CSMD1: variants seen among roughly 807,000 people sequenced by gnomAD.
CSMD1 encodes CUB and Sushi multiple domains 1, also known as CUB and sushi domain-containing protein 1.
Under a neutral mutation model 417.5 loss-of-function variants are expected in CSMD1, and 213 were observed. That is an observed-to-expected ratio of 0.51 (90% CI 0.46 to 0.57). The LOEUF (loss-of-function observed/expected upper bound fraction) is 0.57, where lower values mean the gene tolerates loss of function less well. CSMD1 is among the 20% of genes least tolerant of loss of function. The probability of loss-of-function intolerance (pLI) is 0.00; values close to 1 mark genes in which losing one functional copy is unlikely to be tolerated. For synonymous variants in CSMD1, 2,862 were observed against 1,736.8 expected, an observed-to-expected ratio of 1.65 and a Z score of -16.11; for missense variants, 6,923 against 4,529.7, an observed-to-expected ratio of 1.53 and a Z score of -15.17.
intron 2 of CSMD1, among the ~76,000 whole-genome samples, chr8:4,430,961 A>T (rs1440225554): frequency 6.6e-6 from 1 of 152,158 alleles, no homozygotes; most frequent in African/African-American, 2.4e-5. Flanking sequence ...TTATATCAAG[A>T]TGTCCTTTCA....
At chr8:4,196,771 C>A (rs184383835) in intron 3 of CSMD1, among the ~76,000 whole-genome samples, 3 of 152,082 alleles carry the variant, frequency 2.0e-5, no homozygotes, top group African/African-American at 7.2e-5. Flanking sequence ...CTGTAAACCC[C>A]TTTTTCCCAT....
intron 3 of CSMD1, among the ~76,000 whole-genome samples, chr8:4,410,579 T>C (rs991769284): frequency 1.3e-5 from 2 of 152,214 alleles, no homozygotes; most frequent in East Asian, 1.9e-4. Context: ...TTTTAAATAA[T>C]GACCAATTTT....
chr8:3,441,001 T>C (rs1480790161), intron 12 of CSMD1, among the ~76,000 whole-genome samples: 2 of 152,144 alleles, frequency 1.3e-5, no homozygotes, highest in East Asian at 3.9e-4. Flanking sequence ...TGAGATTAGA[T>C]CATCCTGGAT....
In CSMD1 at chr8:3,706,433, C is replaced by A. The variant is rs149396698; in HGVS notation, c.1009+1981G>T. Reference sequence around the variant, plus strand: ...CATTACCATTGATTACCTTCCTCATCTTAGAAGGCTCAAGGTTTCCATTCC... The same window carrying A: ...CATTACCATTGATTACCTTCCTCATATTAGAAGGCTCAAGGTTTCCATTCC... On this transcript the variant is annotated intron_variant, in intron 7 of 69. Transcript: ENST00000635120. Among the ~76,000 whole-genome samples the A allele has an allele frequency of 1.8e-3, 268 of 152,278 alleles. 2 individuals are homozygous for A. In the East Asian group the frequency reaches 0.046, roughly 26 times the overall value.
chr8:3,128,820 A>T (rs1167494528), intron 41 of CSMD1: 2 of 438,438 alleles, frequency 4.6e-6, no homozygotes, highest in East Asian at 1.4e-4. Context: ...TTTTAATTGA[A>T]AGTCCTTTCT....
chr8:4,864,867 G>C (rs1475937819), intron 1 of CSMD1, among the ~76,000 whole-genome samples: 3 of 91,848 alleles, frequency 3.3e-5, no homozygotes, highest in Non-Finnish European at 6.9e-5. Context: ...TGAAATATTG[G>C]ATTCTACTAC....
chr8:3,971,055 T>C (rs1323589923), intron 5 of CSMD1, among the ~76,000 whole-genome samples: 2 of 152,114 alleles, frequency 1.3e-5, no homozygotes, highest in Non-Finnish European at 1.5e-5. Flanking sequence ...CCGGCCTACA[T>C]GGAATCTTAA....
intron 51 of CSMD1, among the ~76,000 whole-genome samples, chr8:3,026,572 G>A (rs1809946351): frequency 6.6e-6 from 1 of 151,872 alleles, no homozygotes. Flanking sequence ...GACCTCACCG[G>A]ACCTCACTGG....
At chr8:4,226,093 C>T (rs1585054759) in intron 3 of CSMD1, among the ~76,000 whole-genome samples, 1 of 151,222 alleles carries the variant, frequency 6.6e-6, no homozygotes, top group East Asian at 1.9e-4. Context: ...CACACACACA[C>T]ACACACACAC....
chr8:4,236,811 G>A (rs993134747), intron 3 of CSMD1, among the ~76,000 whole-genome samples: 1 of 152,164 alleles, frequency 6.6e-6, no homozygotes, highest in Admixed American at 6.5e-5. Context: ...AAATTATTAA[G>A]TCTATGTTGC....
chr8:4,173,560 T>C (rs780141247), intron 3 of CSMD1, among the ~76,000 whole-genome samples: 2 of 152,060 alleles, frequency 1.3e-5, no homozygotes, highest in Non-Finnish European at 2.9e-5. Flanking sequence ...AAAGATAAAA[T>C]TATCAAATGA....
At chr8:4,152,100 G>A (rs1383767590) in intron 3 of CSMD1, among the ~76,000 whole-genome samples, 1 of 151,984 alleles carries the variant, frequency 6.6e-6, no homozygotes, top group Non-Finnish European at 1.5e-5. Context: ...AGATTTATAT[G>A]GGTAATATAC....
At chr8:3,518,487 G>A (rs1000080304) in intron 10 of CSMD1, among the ~76,000 whole-genome samples, 1 of 152,094 alleles carries the variant, frequency 6.6e-6, no homozygotes, top group Non-Finnish European at 1.5e-5. Context: ...AATCTCATTG[G>A]TAGACTCAAC....
At chr8:4,032,309 G>C (rs1018696569) in intron 3 of CSMD1, among the ~76,000 whole-genome samples, 1 of 152,150 alleles carries the variant, frequency 6.6e-6, no homozygotes, top group Non-Finnish European at 1.5e-5. Flanking sequence ...ACATCATAAA[G>C]TGTAAATAAA....
At chr8:4,114,175 A>G in intron 3 of CSMD1, among the ~76,000 whole-genome samples, 1 of 151,460 alleles carries the variant, frequency 6.6e-6, no homozygotes, top group Non-Finnish European at 1.5e-5. Context: ...GGACAGCCTG[A>G]CTCCTCTATT....
At chr8:3,954,699 G>A (rs1397560734) in intron 5 of CSMD1, among the ~76,000 whole-genome samples, 1 of 152,236 alleles carries the variant, frequency 6.6e-6, no homozygotes, top group Non-Finnish European at 1.5e-5. Context: ...TCTTTCCCAT[G>A]ATTCTTCCCT....
In CSMD1 at chr8:3,009,190, T is replaced by G. The variant is rs1461350090; in HGVS notation, c.8030-9059A>C. 2.0e-5 allele frequency among the ~76,000 whole-genome samples: 3 copies of G among 152,314 alleles called. No homozygotes were observed. The East Asian group carries it at 5.8e-4, about 29-fold the overall frequency. ...TCTCCCACACACGCACTTTTGCCCC[T>G]AGAGGGGCCTACTTGAAGCTCACGT... On this transcript the variant is annotated intron_variant, in intron 52 of 69. Coordinates refer to ENST00000635120, the MANE Select transcript of CSMD1 (RefSeq NM_033225.6).
intron 2 of CSMD1, among the ~76,000 whole-genome samples, chr8:4,614,728 T>C (rs1801379474): frequency 6.6e-6 from 1 of 152,122 alleles, no homozygotes; most frequent in Non-Finnish European, 1.5e-5. Context: ...CCTTAAAATA[T>C]TCAATTACAG....
chr8:4,081,969 A>C (rs1383785572), intron 3 of CSMD1, among the ~76,000 whole-genome samples: 1 of 152,172 alleles, frequency 6.6e-6, no homozygotes, highest in Admixed American at 6.5e-5. Context: ...TCAATTATTT[A>C]AGATTCTGCC....
Sources: gnomAD v4.1 joint callset for allele counts (sites outside exome capture counted in the v4.1 genomes callset) on GRCh38, gnomAD v4.1.1 for gene constraint, MANE v1.5 for transcripts, NCBI Gene and HGNC (gene_info 2026-07-23, HGNC 2026-07-21) for gene names.